DOK5: variants seen among roughly 807,000 people sequenced by gnomAD.
The protein encoded by DOK5 is downstream of tyrosine kinase 5.
A neutral mutation model predicts 43.3 loss-of-function variants in DOK5; 27 were observed. The observed-to-expected ratio is 0.62, with a 90% CI of 0.46 to 0.86. DOK5 has a LOEUF of 0.86. DOK5 is among the 40% of genes least tolerant of loss of function. The pLI is 0.00. For synonymous variants in DOK5, 146 were observed against 140.1 expected (o/e 1.04, Z -0.30); for missense variants, 373 against 392.9 (o/e 0.95, Z 0.43).
intron 1 of DOK5, among the ~76,000 whole-genome samples, chr20:54,501,930 T>A (rs756881912): frequency 6.6e-6 from 1 of 152,254 alleles, no homozygotes; most frequent in Non-Finnish European, 1.5e-5. Context: ...ATACTCTGAA[T>A]GTAATTTACT....
intron 5 of DOK5, among the ~76,000 whole-genome samples, chr20:54,603,962 T>TTC (rs1328329863): frequency 2.0e-5 from 3 of 147,480 alleles, no homozygotes; most frequent in African/African-American, 7.6e-5. Context: ...TTTTTTTTTT[T>TTC]TTGAGACGGA....
At chr20:54,495,605 A>G (rs1158977400) in intron 1 of DOK5, among the ~76,000 whole-genome samples, 1 of 152,206 alleles carries the variant, frequency 6.6e-6, no homozygotes, top group Non-Finnish European at 1.5e-5. Flanking sequence ...ATTTAGAAAG[A>G]AGTGGCTGGG....
Position 54,650,466 on chromosome 20 carries a change from G to C in DOK5, c.908G>C (p.Arg303Thr). The change falls in exon 8 of 8, where the codon AGA becomes ACA. Residue 303 changes from arginine (R) to threonine (T), a missense_variant. Arg to Thr is a moderately conservative substitution (Grantham distance 71, BLOSUM62 -1). Coordinates refer to ENST00000262593, the MANE Select transcript of DOK5 (RefSeq NM_018431.5). Reference protein sequence around the residue: ...LHRTETFPAYRSEH With the variant: ...LHRTETFPAYTSEH ...CGAACAGAGACTTTTCCAGCCTACA[G>C]ATCTGAGCACTGACAGTAACTGCCA... 1 of 1,614,050 alleles carries C rather than the reference G, an allele frequency of 6.2e-7. No homozygotes were observed. Among genetic ancestry groups the C allele is most frequent in the Non-Finnish European group, 8.5e-7 (1 of 1,180,006 alleles).
intron 1 of DOK5, among the ~76,000 whole-genome samples, chr20:54,478,144 T>C (rs1981510188): frequency 6.6e-6 from 1 of 152,194 alleles, no homozygotes; most frequent in Non-Finnish European, 1.5e-5. Flanking sequence ...ATCAAGTAAA[T>C]CTGGTCTTAT....
At position 54,597,923 on chromosome 20, in the gene DOK5, A is replaced by G. The variant is rs113368607; in HGVS notation, c.599+6118A>G. Among the ~76,000 whole-genome samples the G allele has an allele frequency of 1.4e-3, 213 of 152,128 alleles. 2 individuals carry two copies. Among genetic ancestry groups the G allele is most frequent in the Middle Eastern group, 3.4e-3 (1 of 294 alleles). ...ATCCTTTCCCACTGAAGCTGCCTCA[A>G]TGTGAGGAAGGCATCTGTCAATAAG... On this transcript the variant is annotated intron_variant, in intron 5 of 7. Coordinates refer to ENST00000262593, the MANE Select transcript of DOK5 (RefSeq NM_018431.5).
At chr20:54,618,725 A>C (rs1317744534) in intron 6 of DOK5, among the ~76,000 whole-genome samples, 2 of 152,200 alleles carry the variant, frequency 1.3e-5, no homozygotes, top group East Asian at 3.9e-4. Flanking sequence ...TTTTTAAAAA[A>C]TCACTGTTAG....
intron 6 of DOK5, among the ~76,000 whole-genome samples, chr20:54,637,587 G>C (rs924659510): frequency 6.6e-6 from 1 of 152,202 alleles, no homozygotes; most frequent in Non-Finnish European, 1.5e-5. Flanking sequence ...TTATTGCCAC[G>C]TTCCCCACAG....
At chr20:54,560,495 A>G (rs1246696043) in intron 2 of DOK5, among the ~76,000 whole-genome samples, 1 of 152,218 alleles carries the variant, frequency 6.6e-6, no homozygotes, top group Non-Finnish European at 1.5e-5. Flanking sequence ...CTGTAGTACA[A>G]AACACCCTAT....
intron 6 of DOK5, among the ~76,000 whole-genome samples, chr20:54,615,929 C>T (rs1986795017): frequency 6.6e-6 from 1 of 151,806 alleles, no homozygotes; most frequent in African/African-American, 2.4e-5. Context: ...AACAGGTTCT[C>T]CCCCAGAACC....
chr20:54,481,172 A>ATCTATCTCTCTC (rs1555822413), intron 1 of DOK5, among the ~76,000 whole-genome samples: 1 of 148,854 alleles, frequency 6.7e-6, no homozygotes, highest in African/African-American at 2.5e-5. Flanking sequence ...CTATCTATCT[A>ATCTATCTCTCTC]TCTATCTATA....
At chr20:54,563,314 C>A (rs995757624) in intron 2 of DOK5, among the ~76,000 whole-genome samples, 1 of 152,156 alleles carries the variant, frequency 6.6e-6, no homozygotes, top group Non-Finnish European at 1.5e-5. Flanking sequence ...TTGTCATTCC[C>A]TGGTGTTCAT....
At chr20:54,485,469 T>C (rs1209132553) in intron 1 of DOK5, among the ~76,000 whole-genome samples, 2 of 152,158 alleles carry the variant, frequency 1.3e-5, no homozygotes, top group African/African-American at 4.8e-5. Flanking sequence ...TTGTTGTGTG[T>C]ATAAGTTTGT....
intron 1 of DOK5, among the ~76,000 whole-genome samples, chr20:54,492,419 T>C (rs549070330): frequency 6.6e-6 from 1 of 152,344 alleles, no homozygotes; most frequent in Non-Finnish European, 1.5e-5. Context: ...ATTCATTTTT[T>C]TCTATGTCAC....
At chr20:54,480,754 A>G (rs1333858683) in intron 1 of DOK5, among the ~76,000 whole-genome samples, 1 of 152,146 alleles carries the variant, frequency 6.6e-6, no homozygotes, top group Non-Finnish European at 1.5e-5. Flanking sequence ...ATGGGCCATG[A>G]GGCCCTATGC....
At chr20:54,559,377 G>T (rs1984824312) in intron 2 of DOK5, among the ~76,000 whole-genome samples, 1 of 152,164 alleles carries the variant, frequency 6.6e-6, no homozygotes, top group African/African-American at 2.4e-5. Flanking sequence ...TCTGTGTAAA[G>T]GTGGCCTCCA....
At chr20:54,604,999 C>A (rs1349123551) in intron 5 of DOK5, among the ~76,000 whole-genome samples, 2 of 81,664 alleles carry the variant, frequency 2.4e-5, no homozygotes, top group African/African-American at 1.6e-4. Context: ...AAGACTGTGT[C>A]TCAAAAAAAA....
intron 1 of DOK5, among the ~76,000 whole-genome samples, chr20:54,489,942 A>G (rs992209216): frequency 1.3e-5 from 2 of 152,144 alleles, no homozygotes; most frequent in African/African-American, 2.4e-5. Flanking sequence ...AAGAAAGCCC[A>G]TTTCCTCTCA....
intron 5 of DOK5, among the ~76,000 whole-genome samples, chr20:54,598,111 T>C (rs1240575450): frequency 1.3e-5 from 2 of 152,220 alleles, no homozygotes; most frequent in Non-Finnish European, 2.9e-5. Flanking sequence ...ATGTGGATCA[T>C]AGGTCATTAG....
intron 6 of DOK5, among the ~76,000 whole-genome samples, chr20:54,614,535 G>C (rs1417161119): frequency 6.6e-6 from 1 of 152,190 alleles, no homozygotes; most frequent in Non-Finnish European, 1.5e-5. Context: ...TTTTGTACTT[G>C]AAAGGCGGGT....
Sources: allele counts gnomAD v4.1 joint callset (sites outside exome capture counted in the v4.1 genomes callset), GRCh38; gene constraint gnomAD v4.1.1; transcripts MANE v1.5; gene names NCBI Gene and HGNC (gene_info 2026-07-23, HGNC 2026-07-21).